Variants in RPTOR observed in about 807,000 individuals in gnomAD.
RPTOR encodes the protein regulatory-associated protein of mTOR.
A neutral mutation model predicts 169.9 loss-of-function variants in RPTOR; 21 were observed. The observed-to-expected ratio is 0.12, with a 90% confidence interval of 0.09 to 0.18. The LOEUF is 0.18. RPTOR is among the 10% of genes least tolerant of loss of function. The probability of loss-of-function intolerance (pLI) is 1.00; values close to 1 mark genes in which losing one functional copy is unlikely to be tolerated. For missense variants in RPTOR, 1,133 were observed against 1,855.9 expected, an observed-to-expected ratio of 0.61 and a Z score of 7.16; for synonymous variants, 732 against 753.2, an observed-to-expected ratio of 0.97 and a Z score of 0.46.
intron 3 of RPTOR, among the ~76,000 whole-genome samples, chr17:80,686,293 T>C (rs1263773829): frequency 6.6e-6 from 1 of 151,194 alleles, no homozygotes; most frequent in Non-Finnish European, 1.5e-5. Flanking sequence ...TTCACGCCAT[T>C]CTCCTGCCTC....
chr17:80,879,381 T>G lies in RPTOR; in HGVS notation c.1510-1034T>G, dbSNP rs1408916445. 2.1e-5 allele frequency among the ~76,000 whole-genome samples: 3 copies of G among 143,300 alleles called. No individual in the cohort carries two copies. In the East Asian group the frequency reaches 6.4e-4, roughly 30 times the overall value. The allele number at this position is 143,300 out of a possible 152,430, so 94.0% of individuals were successfully genotyped here. On this transcript the variant is annotated intron_variant, in intron 13 of 33. Coordinates refer to ENST00000306801, the MANE Select transcript of RPTOR (RefSeq NM_020761.3). Reference sequence around the variant, plus strand: ...CGCCTGCCCTGCTCCTGCTTGCCCTTCCCCTGCCCCTGCCCCCGCCTGCCC... The same window carrying G: ...CGCCTGCCCTGCTCCTGCTTGCCCTGCCCCTGCCCCTGCCCCCGCCTGCCC...
chr17:80,590,932 A>AT (rs1232551871), intron 1 of RPTOR, among the ~76,000 whole-genome samples: 1 of 151,726 alleles, frequency 6.6e-6, no homozygotes, highest in Non-Finnish European at 1.5e-5. Context: ...CTGTGGAATG[A>AT]TTTTTTTAAA....
chr17:80,622,563 TCTC>T (rs1400714546), intron 1 of RPTOR, among the ~76,000 whole-genome samples: 1 of 152,206 alleles, frequency 6.6e-6, no homozygotes, highest in East Asian at 1.9e-4. Context: ...AAGACATTCT[TCTC>T]CTAGTATATC....
rs140800077 is a variant in RPTOR at position 80,697,384 on chromosome 17, A to G, written c.349-10457A>G. ...TTGCTCTGGGTCTTGGGTTTTATCC[A>G]GGACCTGCCGTCTGGTCTTTCAGCC... On this transcript the variant is annotated intron_variant, in intron 3 of 33. Coordinates refer to ENST00000306801, the MANE Select transcript of RPTOR (RefSeq NM_020761.3). 1.4e-3 allele frequency among the ~76,000 whole-genome samples: 206 copies of G among 152,358 alleles called. 1 individual carries two copies. Among genetic ancestry groups the G allele is most frequent in the African/African-American group, 4.7e-3 (195 of 41,598 alleles).
intron 7 of RPTOR, 141 bp from the exon 8 acceptor site, chr17:80,822,060 C>A (rs936534605): frequency 1.4e-6 from 1 of 728,522 alleles, no homozygotes; most frequent in African/African-American, 1.7e-5. Flanking sequence ...TTCTCCCTGC[C>A]GTGCGCCAAG....
intron 7 of RPTOR, among the ~76,000 whole-genome samples, chr17:80,804,053 G>A (rs374088634): frequency 1.3e-5 from 2 of 152,226 alleles, no homozygotes; most frequent in East Asian, 1.9e-4. Context: ...AGCACTTAAT[G>A]GGTCTACAGG....
At chr17:80,682,116 C>CA (rs1567854729) in intron 3 of RPTOR, among the ~76,000 whole-genome samples, 2 of 89,866 alleles carry the variant, frequency 2.2e-5, no homozygotes, top group Admixed American at 1.3e-4. Context: ...GTCCCCCCCC[C>CA]CACCCCAAAC....
intron 1 of RPTOR, among the ~76,000 whole-genome samples, chr17:80,569,450 G>A (rs955674638): frequency 2.0e-5 from 3 of 151,952 alleles, no homozygotes; most frequent in Admixed American, 6.6e-5. Context: ...GCTTGAACCC[G>A]GGAGGTGGAG....
intron 1 of RPTOR, among the ~76,000 whole-genome samples, chr17:80,571,055 C>A (rs2143308326): frequency 6.6e-6 from 1 of 152,282 alleles, no homozygotes; most frequent in Middle Eastern, 3.4e-3. Context: ...GAGGTTGAAA[C>A]TGAAATAATT....
Position 80,822,321 on chromosome 17 carries a change from T to C in RPTOR, c.991+20T>C. The stretch of plus-strand genomic sequence containing the variant: ...CCCGGGGTGAGGCGCGGGCCGGGCC[T>C]TGGGGAGGGAGGCTATGGCCTTGAG... On this transcript the variant is annotated intron_variant, in intron 8 of 33. Coordinates refer to ENST00000306801, the MANE Select transcript of RPTOR (RefSeq NM_020761.3). 6.2e-7 allele frequency: 1 copy of C among 1,611,596 alleles called. No homozygotes were observed. Among genetic ancestry groups the C allele is most frequent in the East Asian group, 2.2e-5 (1 of 44,838 alleles).
chr17:80,736,494 C>T (rs2066434648), intron 5 of RPTOR, among the ~76,000 whole-genome samples: 1 of 152,192 alleles, frequency 6.6e-6, no homozygotes, highest in Admixed American at 6.5e-5. Context: ...CATTGGCCTC[C>T]TGCACTGATC....
At chr17:80,822,903 G>A (rs1265668316) in intron 8 of RPTOR, among the ~76,000 whole-genome samples, 176 bp from the exon 9 acceptor site, 6 of 141,394 alleles carry the variant, frequency 4.2e-5, no homozygotes, top group Admixed American at 2.1e-4. Context: ...GTGCACGTGT[G>A]TGTATGTTTA....
intron 21 of RPTOR, 57 bp from the exon 22 acceptor site, chr17:80,922,667 C>A: frequency 1.5e-6 from 2 of 1,377,708 alleles, no homozygotes; most frequent in Non-Finnish European, 1.0e-6. Flanking sequence ...CTTCGTGTGG[C>A]GGCCTCCGCG....
At chr17:80,830,704 T>C (rs985259086) in intron 9 of RPTOR, among the ~76,000 whole-genome samples, 4 of 151,872 alleles carry the variant, frequency 2.6e-5, no homozygotes, top group Non-Finnish European at 5.9e-5. Flanking sequence ...GGTGCACTGC[T>C]CCTCAGGAAT....
At chr17:80,874,205 C>CA (rs530490846) in intron 13 of RPTOR, among the ~76,000 whole-genome samples, 1 of 144,578 alleles carries the variant, frequency 6.9e-6, no homozygotes. Context: ...AACTAAAGGG[C>CA]TTTTTTTTTT....
chr17:80,740,222 A>G (rs1166908244), intron 5 of RPTOR, among the ~76,000 whole-genome samples: 2 of 152,256 alleles, frequency 1.3e-5, no homozygotes, highest in Non-Finnish European at 2.9e-5. Context: ...TCTGTTCAGC[A>G]ATAGATAATC....
rs1224206142 is a variant in RPTOR at position 80,878,505 on chromosome 17, C to A, written c.1510-1910C>A. Among the ~76,000 whole-genome samples the A allele has an allele frequency of 2.0e-5, 3 of 152,178 alleles. No homozygotes were observed. The highest frequency in any genetic ancestry group is 7.2e-5 in the African/African-American group (3 of 41,422). Reference sequence around the variant, plus strand: ...GGGACTACAGGCACGCACCACCACACCCTGCTAATTTTTGTATTTTTTAGT... The same window carrying A: ...GGGACTACAGGCACGCACCACCACAACCTGCTAATTTTTGTATTTTTTAGT... On this transcript the variant is annotated intron_variant, in intron 13 of 33. Transcript: ENST00000306801. The surrounding 1 kb of genome is among the most constrained non-coding windows in gnomAD (Gnocchi z 4.1).
chr17:80,950,908 C>T (rs1045817789), intron 28 of RPTOR, among the ~76,000 whole-genome samples: 22 of 152,218 alleles, frequency 1.4e-4, no homozygotes, highest in African/African-American at 5.3e-4. Flanking sequence ...TGGGCTTCAG[C>T]ACGGGAGCGC....
In RPTOR at chr17:80,940,615, C is replaced by T. The variant is rs752076283; in HGVS notation, c.3025+14C>T. The T allele has an allele frequency of 6.3e-7, 1 of 1,593,440 alleles. No individual in the cohort carries two copies. The highest frequency in any genetic ancestry group is 8.6e-7 in the Non-Finnish European group (1 of 1,169,084). Reference sequence around the variant, plus strand: ...TCATTCAGAAGGGTAAGGGCACCCGCACAGCCAGCCAGGGGCTCATTCCGG... The same window carrying T: ...TCATTCAGAAGGGTAAGGGCACCCGTACAGCCAGCCAGGGGCTCATTCCGG... On this transcript the variant is annotated intron_variant, in intron 25 of 33. Transcript: ENST00000306801.
Sources: allele counts gnomAD v4.1 joint callset (sites outside exome capture counted in the v4.1 genomes callset), GRCh38; gene constraint gnomAD v4.1.1; non-coding constraint Gnocchi (gnomAD v3.1); transcripts MANE v1.5; gene names NCBI Gene and HGNC (gene_info 2026-07-23, HGNC 2026-07-21).